Variants in CNBD1 observed in about 807,000 individuals in gnomAD.
CNBD1 encodes cyclic nucleotide-binding domain-containing protein 1.
A neutral mutation model predicts 54.4 loss-of-function variants in CNBD1; 71 were observed. That is an observed-to-expected ratio of 1.30 (90% confidence interval 1.08 to 1.59). The LOEUF is 1.59. Ranked by LOEUF, CNBD1 falls within the 40% of genes most tolerant of loss-of-function variation. The pLI, the probability that CNBD1 is intolerant of heterozygous loss-of-function variation, is 0.00. For synonymous variants in CNBD1, 182 were observed against 170.7 expected, an observed-to-expected ratio of 1.07 and a Z score of -0.51; for missense variants, 659 against 518.0, an observed-to-expected ratio of 1.27 and a Z score of -2.64.
chr8:87,128,228 GC>G (rs1252959594), intron 4 of CNBD1, among the ~76,000 whole-genome samples: 1 of 152,184 alleles, frequency 6.6e-6, no homozygotes, highest in Non-Finnish European at 1.5e-5. Context: ...TACCAAGAAG[GC>G]ACTGAGCTGG....
At chr8:86,965,119 T>C (rs1324865936) in intron 4 of CNBD1, among the ~76,000 whole-genome samples, 1 of 152,220 alleles carries the variant, frequency 6.6e-6, no homozygotes, top group Non-Finnish European at 1.5e-5. Context: ...TTATATACTT[T>C]CAATGACTAA....
At chr8:86,908,846 A>G (rs984358654) in intron 3 of CNBD1, among the ~76,000 whole-genome samples, 1 of 139,130 alleles carries the variant, frequency 7.2e-6, no homozygotes, top group South Asian at 2.2e-4. Flanking sequence ...GCTCACTGCA[A>G]CCTCCGCCTC....
At chr8:87,075,972 T>G (rs964523265) in intron 4 of CNBD1, among the ~76,000 whole-genome samples, 1 of 152,180 alleles carries the variant, frequency 6.6e-6, no homozygotes, top group African/African-American at 2.4e-5. Context: ...TGCATCTAAC[T>G]TCTGTTTTTC....
intron 8 of CNBD1, among the ~76,000 whole-genome samples, chr8:87,336,971 G>A (rs540314961): frequency 1.6e-4 from 25 of 152,098 alleles, no homozygotes; most frequent in South Asian, 2.1e-4. Flanking sequence ...GGGCTGCTGC[G>A]GTTTGCTGGG....
chr8:87,205,267 C>T (rs1352432717), intron 4 of CNBD1, among the ~76,000 whole-genome samples: 1 of 152,086 alleles, frequency 6.6e-6, no homozygotes, highest in South Asian at 2.1e-4. Flanking sequence ...CTCCTGACCT[C>T]GTGATCCACC....
At chr8:87,120,345 C>G (rs1011449309) in intron 4 of CNBD1, among the ~76,000 whole-genome samples, 1 of 151,764 alleles carries the variant, frequency 6.6e-6, no homozygotes, top group African/African-American at 2.4e-5. Flanking sequence ...CAAGGTTTTC[C>G]ATTTTGTCAG....
chr8:86,955,044 T>A (rs934200865), intron 4 of CNBD1, among the ~76,000 whole-genome samples: 1 of 144,834 alleles, frequency 6.9e-6, no homozygotes, highest in Admixed American at 7.1e-5. Flanking sequence ...CCAAGTGTTC[T>A]CATTGTTCAT....
chr8:87,325,200 G>C lies in CNBD1; in HGVS notation c.1043-26485G>C, dbSNP rs1280704735. Among the ~76,000 whole-genome samples, 3 of 94,370 alleles carry C rather than the reference G, an allele frequency of 3.2e-5. 1 individual carries two copies. Among genetic ancestry groups the C allele is most frequent in the Non-Finnish European group, 6.2e-5 (3 of 48,298 alleles). 61.9% of individuals were successfully genotyped at this position (94,370 alleles called of 152,430 possible). A position where few individuals can be genotyped will look rare whatever the true frequency, so the allele number is the denominator to read the frequency against. ...TTATAATTTCTGTTCTTTTACATTT[G>C]CTGAGGAGAGCTTTACTTCCAAGTA... On this transcript the variant is annotated intron_variant, in intron 8 of 10. Transcript: ENST00000518476.
intron 4 of CNBD1, among the ~76,000 whole-genome samples, chr8:87,127,869 A>G (rs1812024837): frequency 6.6e-6 from 1 of 152,118 alleles, no homozygotes; most frequent in South Asian, 2.1e-4. Flanking sequence ...CCACAGCCCT[A>G]AATGGGAACA....
intron 4 of CNBD1, among the ~76,000 whole-genome samples, chr8:87,195,361 T>C (rs1029016497): frequency 1.3e-5 from 2 of 151,026 alleles, no homozygotes; most frequent in Non-Finnish European, 2.9e-5. Flanking sequence ...CCCAAATAAC[T>C]GGGATTACAG....
intron 4 of CNBD1, among the ~76,000 whole-genome samples, chr8:87,105,121 G>A (rs1296222414): frequency 6.6e-6 from 1 of 152,116 alleles, no homozygotes; most frequent in Non-Finnish European, 1.5e-5. Context: ...TTTTGATGAG[G>A]AGATGGGTTT....
chr8:86,885,430 T>G (rs1808667662), intron 1 of CNBD1, among the ~76,000 whole-genome samples: 1 of 152,188 alleles, frequency 6.6e-6, no homozygotes, highest in African/African-American at 2.4e-5. Flanking sequence ...GTCTAAACCC[T>G]TGATTTTAAC....
intron 8 of CNBD1, among the ~76,000 whole-genome samples, chr8:87,342,655 G>T (rs1810090675): frequency 6.6e-6 from 1 of 152,082 alleles, no homozygotes; most frequent in Non-Finnish European, 1.5e-5. Flanking sequence ...CTCTGAGGGT[G>T]CCATCACATA....
chr8:87,036,349 C>T, intron 4 of CNBD1, among the ~76,000 whole-genome samples: 1 of 152,030 alleles, frequency 6.6e-6, no homozygotes, highest in East Asian at 1.9e-4. Context: ...AATCCCAGCA[C>T]TTTGGGAGGC....
At chr8:87,200,106 C>T (rs1813824457) in intron 4 of CNBD1, among the ~76,000 whole-genome samples, 2 of 152,098 alleles carry the variant, frequency 1.3e-5, no homozygotes, top group East Asian at 3.9e-4. Flanking sequence ...GCCTCAGAGA[C>T]CTGTGGGCTA....
At chr8:87,059,261 T>C (rs1466424569) in intron 4 of CNBD1, among the ~76,000 whole-genome samples, 1 of 152,214 alleles carries the variant, frequency 6.6e-6, no homozygotes, top group African/African-American at 2.4e-5. Context: ...TTCTGAGCTT[T>C]CAAAGTCTCT....
chr8:87,213,520 C>T lies in CNBD1; in HGVS notation c.577+7382C>T, dbSNP rs555851482. Among the ~76,000 whole-genome samples the T allele has an allele frequency of 7.0e-4, 106 of 152,194 alleles. 1 individual carries two copies. In the South Asian group the frequency reaches 0.021, roughly 30 times the overall value. Reference sequence around the variant, plus strand: ...TGAGACCCAAGTGAAAGGAGAAACCCGTTATGAAACCATCAGATCTCATGA... The same window carrying T: ...TGAGACCCAAGTGAAAGGAGAAACCTGTTATGAAACCATCAGATCTCATGA... On this transcript the variant is annotated intron_variant, in intron 5 of 10. Transcript: ENST00000518476.
At chr8:87,008,079 T>C (rs1216518970) in intron 4 of CNBD1, among the ~76,000 whole-genome samples, 1 of 152,214 alleles carries the variant, frequency 6.6e-6, no homozygotes, top group Non-Finnish European at 1.5e-5. Flanking sequence ...TTTGGAATTT[T>C]ATCTATACTG....
At chr8:87,302,418 G>A (rs1164816481) in intron 8 of CNBD1, among the ~76,000 whole-genome samples, 3 of 151,300 alleles carry the variant, frequency 2.0e-5, no homozygotes, top group Admixed American at 6.6e-5. Flanking sequence ...TGCAGAAAAG[G>A]CCTTTGACAA....
Sources: gnomAD v4.1 joint callset for allele counts (sites outside exome capture counted in the v4.1 genomes callset) on GRCh38, gnomAD v4.1.1 for gene constraint, MANE v1.5 for transcripts, NCBI Gene and HGNC (gene_info 2026-07-23, HGNC 2026-07-21) for gene names.